Variants in RAPGEFL1 observed in about 807,000 individuals in gnomAD.
The protein encoded by RAPGEFL1 is Rap guanine nucleotide exchange factor like 1.
A neutral mutation model predicts 64.4 loss-of-function variants in RAPGEFL1; 31 were observed. The observed-to-expected ratio is 0.48, with a 90% CI of 0.36 to 0.65. The LOEUF (loss-of-function observed/expected upper bound fraction) is 0.65, where lower values mean the gene tolerates loss of function less well. Ranked by LOEUF, RAPGEFL1 falls within the 30% of genes least tolerant of loss-of-function variation. The pLI is 0.00. For synonymous variants in RAPGEFL1, 331 were observed against 274.1 expected (o/e 1.21, Z -2.05); for missense variants, 682 against 677.4 (o/e 1.01, Z -0.08).
intron 3 of RAPGEFL1, 83 bp downstream of exon 3, chr17:40,184,432 C>A: frequency 7.6e-7 from 1 of 1,318,080 alleles, no homozygotes; most frequent in South Asian, 1.3e-5. Context: ...ACTTCTCATT[C>A]TGGGTACCTG....
intron 4 of RAPGEFL1, among the ~76,000 whole-genome samples, chr17:40,186,557 A>C (rs1421423064): frequency 7.7e-6 from 1 of 129,816 alleles, no homozygotes; most frequent in Non-Finnish European, 1.6e-5. Flanking sequence ...CCTGGGCGAC[A>C]GAGCGAGACT....
chr17:40,183,413 AGG>A (rs1989951994), intron 2 of RAPGEFL1, among the ~76,000 whole-genome samples: 1 of 151,804 alleles, frequency 6.6e-6, no homozygotes, highest in Non-Finnish European at 1.5e-5. Flanking sequence ...CTGGGGCATG[AGG>A]AGGTCTTGGC....
chr17:40,188,017 C>T (rs546000446), intron 4 of RAPGEFL1, among the ~76,000 whole-genome samples: 5 of 149,238 alleles, frequency 3.4e-5, no homozygotes, highest in African/African-American at 1.2e-4. Flanking sequence ...CGGGTTCAAG[C>T]GATTCTCCTG....
chr17:40,189,060 C>T lies in RAPGEFL1; in HGVS notation c.946+82C>T, dbSNP rs907742260. The T allele has an allele frequency of 6.5e-5, 96 of 1,477,790 alleles. No homozygotes were observed. The Admixed American group carries it at 1.6e-3, about 24-fold the overall frequency. The allele number at this position is 1,477,790 out of a possible 1,614,324, so 91.5% of individuals were successfully genotyped here. On this transcript the variant is annotated intron_variant, in intron 5 of 14. Coordinates refer to ENST00000620260, the MANE Select transcript of RAPGEFL1 (RefSeq NM_016339.6). ...TCTGGGTCTTGAGCACCCTCAGTGG[C>T]ATCTCCCTGGGTGGTAGAACCAGCC...
At chr17:40,189,081 C>G in intron 5 of RAPGEFL1, 103 bp downstream of exon 5, 1 of 1,461,608 alleles carries the variant, frequency 6.8e-7, no homozygotes, top group Non-Finnish European at 9.5e-7. Flanking sequence ...GTGGTAGAAC[C>G]AGCCCCTTTC....
rs948659611 is a variant in RAPGEFL1, at chr17:40,191,222, G to C, written c.1336-94G>C. On this transcript the variant is annotated intron_variant, in intron 8 of 14. Transcript: ENST00000620260. This position sits in a 1 kb window ranked among gnomAD's most constrained non-coding sequence, Gnocchi z 5.1. ...CCACCCCTTCCGCCCCCGCCCTCCTGCCTTTCGCTCCTCATCGCCTTGCAC... is the reference window on the plus strand; with the variant it reads ...CCACCCCTTCCGCCCCCGCCCTCCTCCCTTTCGCTCCTCATCGCCTTGCAC... 2 of 1,161,952 alleles carry C rather than the reference G, an allele frequency of 1.7e-6. No homozygotes were observed. The highest frequency in any genetic ancestry group is 1.2e-6 in the Non-Finnish European group (1 of 861,038). 72.0% of individuals were successfully genotyped at this position (1,161,952 alleles called of 1,614,324 possible).
chr17:40,179,413 G>A (rs181775879), intron 1 of RAPGEFL1, among the ~76,000 whole-genome samples: 2 of 151,680 alleles, frequency 1.3e-5, no homozygotes, highest in East Asian at 3.9e-4. Flanking sequence ...TCACCAACTT[G>A]GTCAGGCTGG....
Position 40,189,259 on chromosome 17 carries a change from G to T in RAPGEFL1, c.998G>T (p.Arg333Leu). The change falls in exon 6 of 15, where the codon CGC (arginine) becomes CTC (leucine). Residue 333 changes from arginine to leucine, a missense_variant. Physicochemically the swap from Arg to Leu is moderately radical, Grantham distance 102. This residue lies in a region of RAPGEFL1 where 411 missense variants were observed against 519.4 expected (regional missense o/e 0.79). Transcript: ENST00000620260. ...CACTCTTATGTGACCATACGCAGCC[G>T]CCTTTCAGCATCTGTGCAGGACATT... The part of the protein sequence containing the change: ...PDHSYVTIRS[R>L]LSASVQDILG... The T allele has an allele frequency of 6.2e-7, 1 of 1,614,128 alleles. No individual in the cohort carries two copies. Among genetic ancestry groups the T allele is most frequent in the South Asian group, 1.1e-5 (1 of 91,078 alleles).
rs1990167262 is a variant in RAPGEFL1 at position 40,188,918 on chromosome 17, C to T, written c.886C>T (p.His296Tyr). The change falls in exon 5 of 15, where the codon CAC (histidine) becomes TAC (tyrosine). Residue 296 changes from histidine to tyrosine, a missense_variant. Around this residue, in one of 2 missense-constraint regions of RAPGEFL1, gnomAD observed 411 missense variants for 519.4 expected, o/e 0.79. Transcript: ENST00000620260. ...CAAGCAGGTGAAGCCACTCTTCCGC[C>T]ACTTCCGCCGGATAGACTCCTGTCT... ...PSKQVKPLFR[H>Y]FRRIDSCLQT... is the part of the protein sequence containing the mutation. 1.2e-6 allele frequency: 2 copies of T among 1,614,098 alleles called. No individual in the cohort carries two copies. The highest frequency in any genetic ancestry group is 8.5e-7 in the Non-Finnish European group (1 of 1,180,060).
At position 40,191,333 on chromosome 17, in the gene RAPGEFL1, C is replaced by T. The variant is rs768614937; in HGVS notation, c.1353C>T (p.Tyr451=). 6 of 1,586,120 alleles carry T rather than the reference C, an allele frequency of 3.8e-6. No individual in the cohort carries two copies. The Admixed American group carries it at 8.7e-5, about 23-fold the overall frequency. Residue 451 remains tyrosine, a synonymous_variant, in exon 9 of 15, where the codon TAC becomes TAT. Transcript: ENST00000620260. The surrounding 1 kb of genome is among the most constrained non-coding windows in gnomAD (Gnocchi z 5.1). Reference sequence around the variant, plus strand: ...GGGTGCAGCTGGAGTTCGTGGACTACGTGTTCCACGGGGAGCGCGGCCGCC... The same window carrying T: ...GGGTGCAGCTGGAGTTCGTGGACTATGTGTTCCACGGGGAGCGCGGCCGCC... ...RCVHELEFVD[Y]VFHGERGRRE...
intron 6 of RAPGEFL1, among the ~76,000 whole-genome samples, chr17:40,190,194 A>C (rs1175105645): frequency 2.0e-5 from 3 of 152,248 alleles, no homozygotes; most frequent in Non-Finnish European, 2.9e-5. Context: ...TGTCACAAGG[A>C]CAACAGAGTA....
At chr17:40,184,150 C>A in intron 2 of RAPGEFL1, 64 bp from the exon 3 acceptor site, 1 of 1,229,172 alleles carries the variant, frequency 8.1e-7, no homozygotes, top group Non-Finnish European at 1.2e-6. Flanking sequence ...AGCCTAGCCT[C>A]CCATCTTTCT....
intron 4 of RAPGEFL1, chr17:40,188,605 A>G: frequency 4.0e-6 from 2 of 500,218 alleles, no homozygotes; most frequent in Non-Finnish European, 7.3e-6. Flanking sequence ...GTTCTATAGT[A>G]GTTGAGAGAA....
rs866348956 is a variant in RAPGEFL1 at position 40,186,441 on chromosome 17, G to A, written c.833+1763G>A. On this transcript the variant is annotated intron_variant, in intron 4 of 14. Transcript: ENST00000620260. ...AAATTAGCCGGGCGCGGTGGCGGGC[G>A]CCTGCAGTCCCAGCTACTCGGGAGG... is the stretch of plus-strand genomic sequence containing the variant. 4.6e-5 allele frequency among the ~76,000 whole-genome samples: 7 copies of A among 150,586 alleles called. No individual in the cohort carries two copies. The South Asian group carries it at 6.3e-4, about 14-fold the overall frequency.
chr17:40,189,950 G>A (rs1990204002), intron 6 of RAPGEFL1, among the ~76,000 whole-genome samples: 2 of 109,748 alleles, frequency 1.8e-5, no homozygotes, highest in South Asian at 2.5e-4. Flanking sequence ...GCGAAACTCC[G>A]TCTCAAAAAA....
chr17:40,185,370 C>CT (rs976569357), intron 4 of RAPGEFL1, among the ~76,000 whole-genome samples: 23 of 152,082 alleles, frequency 1.5e-4, no homozygotes, highest in Admixed American at 1.2e-3. Context: ...CTCCACCATA[C>CT]AGTAGATGTA....
Position 40,189,255 on chromosome 17 carries a change from A to G in RAPGEFL1, c.994A>G (p.Ser332Gly). The G allele has an allele frequency of 6.2e-7, 1 of 1,614,138 alleles. No individual in the cohort carries two copies. The highest frequency in any genetic ancestry group is 8.5e-7 in the Non-Finnish European group (1 of 1,179,988). Reference sequence around the variant, plus strand: ...TGACCACTCTTATGTGACCATACGCAGCCGCCTTTCAGCATCTGTGCAGGA... The same window carrying G: ...TGACCACTCTTATGTGACCATACGCGGCCGCCTTTCAGCATCTGTGCAGGA... ...MPDHSYVTIR[S>G]RLSASVQDIL... Residue 332 changes from serine to glycine, a missense_variant, in exon 6 of 15, where the codon AGC (serine) becomes GGC (glycine). Physicochemically the swap from Ser to Gly is moderately conservative, Grantham distance 56. This residue lies in a region of RAPGEFL1 where 411 missense variants were observed against 519.4 expected (regional missense o/e 0.79). Transcript: ENST00000620260.
At chr17:40,193,270 G>A in intron 13 of RAPGEFL1, 93 bp from the exon 14 acceptor site, 2 of 1,378,826 alleles carry the variant, frequency 1.5e-6, no homozygotes, top group Non-Finnish European at 1.0e-6. Flanking sequence ...ACTGGAGGGA[G>A]TAAAGCAGAG....
Position 40,192,706 on chromosome 17 carries a change from C to T in RAPGEFL1, c.1744+13C>T, listed in dbSNP as rs763780616. The T allele has an allele frequency of 3.1e-6, 5 of 1,607,262 alleles. No individual in the cohort carries two copies. In the East Asian group the frequency reaches 6.7e-5, roughly 22 times the overall value. On this transcript the variant is annotated intron_variant, in intron 12 of 14. Transcript: ENST00000620260. ...CTGATCCTCAAAGGTGAGAGAGTTA[C>T]TCCCAAGCTGTGCCGCTTCCACCCA...
Sources: gnomAD v4.1 joint callset for allele counts (sites outside exome capture counted in the v4.1 genomes callset) on GRCh38, gnomAD v4.1.1 for gene constraint, gnomAD v4.1.1 regional missense constraint, Gnocchi (gnomAD v3.1) non-coding constraint, MANE v1.5 for transcripts, NCBI Gene and HGNC (gene_info 2026-07-23, HGNC 2026-07-21) for gene names.